Variants in KIAA1958 observed in about 807,000 individuals in gnomAD.
KIAA1958 encodes the protein uncharacterized protein KIAA1958.
A neutral mutation model predicts 47.2 loss-of-function variants in KIAA1958; 14 were observed. The observed-to-expected ratio is 0.30, with a 90% CI of 0.20 to 0.46. The LOEUF is 0.46. Ranked by LOEUF, KIAA1958 falls within the 20% of genes least tolerant of loss-of-function variation. KIAA1958 has a pLI of 1.00. For missense variants in KIAA1958, 803 were observed against 909.2 expected (o/e 0.88, Z 1.50); for synonymous variants, 354 against 353.3 (o/e 1.00, Z -0.02).
chr9:112,501,928 AT>A lies in KIAA1958; in HGVS notation c.-25+14811del, dbSNP rs1463661863. ...TTTTGTTTTCACAATTTACAAAAAAATAATAAAACCCTAATAAATAATAGAT... is the reference window on the plus strand; with the variant it reads ...TTTTGTTTTCACAATTTACAAAAAAAAATAAAACCCTAATAAATAATAGAT... On this transcript the variant is annotated intron_variant, in intron 1 of 3. Transcript: ENST00000337530. Among the ~76,000 whole-genome samples, 25 of 152,388 alleles carry A rather than the reference AT, an allele frequency of 1.6e-4. No homozygotes were observed. The South Asian group carries it at 3.3e-3, about 20-fold the overall frequency.
At chr9:112,580,572 A>C (rs922660834) in intron 2 of KIAA1958, among the ~76,000 whole-genome samples, 1 of 152,190 alleles carries the variant, frequency 6.6e-6, no homozygotes, top group Non-Finnish European at 1.5e-5. Flanking sequence ...GGATCACCTG[A>C]GGTCAGGAGT....
intron 1 of KIAA1958, among the ~76,000 whole-genome samples, chr9:112,545,646 A>G (rs1305978871): frequency 6.6e-6 from 1 of 152,096 alleles, no homozygotes; most frequent in Non-Finnish European, 1.5e-5. Context: ...GATTCGTGCT[A>G]TTTGCCAGGA....
At chr9:112,498,289 G>A (rs911426518) in intron 1 of KIAA1958, among the ~76,000 whole-genome samples, 2 of 152,208 alleles carry the variant, frequency 1.3e-5, no homozygotes, top group South Asian at 2.1e-4. Flanking sequence ...AGGAAAGGTG[G>A]CGGTTCAGTT....
At chr9:112,496,211 C>T (rs1834049204) in intron 1 of KIAA1958, among the ~76,000 whole-genome samples, 2 of 152,164 alleles carry the variant, frequency 1.3e-5, no homozygotes, top group Admixed American at 1.3e-4. Context: ...GGTATATTTA[C>T]ACAATGGAAT....
chr9:112,498,189 G>A (rs1464668965), intron 1 of KIAA1958, among the ~76,000 whole-genome samples: 1 of 152,096 alleles, frequency 6.6e-6, no homozygotes, highest in African/African-American at 2.4e-5. Context: ...TTCTACATTA[G>A]TGAATTTACC....
At chr9:112,518,230 AAAAGG>A (rs1458213688) in intron 1 of KIAA1958, among the ~76,000 whole-genome samples, 3 of 152,214 alleles carry the variant, frequency 2.0e-5, no homozygotes, top group Non-Finnish European at 4.4e-5. Flanking sequence ...TAAAAAAAGA[AAAAGG>A]AAAGCATGTA....
At position 112,660,250 on chromosome 9, in the gene KIAA1958, GTC is replaced by G. The variant is rs1837254040; in HGVS notation, c.*183_*184del. ...TGCTTTTTAAAATGAAACTAGATGA[GTC>G]TAAATCATTCGGATGGTTTATCCAA... On this transcript the variant is annotated 3_prime_UTR_variant, in exon 4 of 4. Coordinates refer to ENST00000337530, the MANE Select transcript of KIAA1958 (RefSeq NM_133465.4). 1 of 595,886 alleles carries G rather than the reference GTC, an allele frequency of 1.7e-6. No individual in the cohort carries two copies. The highest frequency in any genetic ancestry group is 3.0e-6 in the Non-Finnish European group (1 of 334,862). 36.9% of individuals were successfully genotyped at this position (595,886 alleles called of 1,614,324 possible).
At chr9:112,519,207 G>GT (rs1028078118) in intron 1 of KIAA1958, among the ~76,000 whole-genome samples, 78 of 152,234 alleles carry the variant, frequency 5.1e-4, no homozygotes, top group African/African-American at 1.9e-3. Flanking sequence ...GCCTTCCAAA[G>GT]TGTTAGGATT....
intron 1 of KIAA1958, among the ~76,000 whole-genome samples, chr9:112,529,556 T>G (rs1834717356): frequency 1.3e-5 from 2 of 152,208 alleles, no homozygotes; most frequent in African/African-American, 2.4e-5. Flanking sequence ...TTCTAGAGAA[T>G]GTAAGACATT....
rs2131217390 is a variant in KIAA1958, at chr9:112,618,826, C to G, written c.1172-26824C>G. ...TCGTGCTGATCTGTAACAATCTGAGCCAGCAGGCTGCCCAGTCAGTGGCCG... is the reference window on the plus strand; with the variant it reads ...TCGTGCTGATCTGTAACAATCTGAGGCAGCAGGCTGCCCAGTCAGTGGCCG... On this transcript the variant is annotated intron_variant, in intron 2 of 3. Coordinates refer to ENST00000337530, the MANE Select transcript of KIAA1958 (RefSeq NM_133465.4). The surrounding 1 kb of genome is among the most constrained non-coding windows in gnomAD (Gnocchi z 7.1). 12 of 1,550,566 alleles carry G rather than the reference C, an allele frequency of 7.7e-6. No homozygotes were observed. Among genetic ancestry groups the G allele is most frequent in the Non-Finnish European group, 9.6e-6 (11 of 1,146,948 alleles).
In KIAA1958 at chr9:112,661,666, G is replaced by A. The variant is rs2131257026; in HGVS notation, c.*1597G>A. The A allele has an allele frequency of 6.6e-6, 1 of 152,282 alleles. No individual in the cohort carries two copies. Among genetic ancestry groups the A allele is most frequent in the African/African-American group, 2.4e-5 (1 of 41,560 alleles). The allele number at this position is 152,282 out of a possible 1,614,324, so 9.4% of individuals were successfully genotyped here. A position where few individuals can be genotyped will look rare whatever the true frequency, so the allele number is the denominator to read the frequency against. On this transcript the variant is annotated 3_prime_UTR_variant, in exon 4 of 4. Coordinates refer to ENST00000337530, the MANE Select transcript of KIAA1958 (RefSeq NM_133465.4). ...AACCAATGCTGCCTTAAGATTTAAT[G>A]TTATTCCCTTTTTAGTCACTGTGCA... is the stretch of plus-strand genomic sequence containing the variant.
chr9:112,551,928 A>G (rs953853888), intron 1 of KIAA1958, among the ~76,000 whole-genome samples: 3 of 152,218 alleles, frequency 2.0e-5, no homozygotes, highest in Non-Finnish European at 4.4e-5. Context: ...CAAATCCTGC[A>G]TCTTTGGTGG....
Position 112,665,702 on chromosome 9 carries a change from C to A in KIAA1958, c.*5633C>A, listed in dbSNP as rs185385096. Reference sequence around the variant, plus strand: ...ACTTAATCGATCCTGGAAAGCCTGGCGGTTCCCCAGTATTTTCTGCCTACT... The same window carrying A: ...ACTTAATCGATCCTGGAAAGCCTGGAGGTTCCCCAGTATTTTCTGCCTACT... On this transcript the variant is annotated 3_prime_UTR_variant, in exon 4 of 4. Transcript: ENST00000337530. 1.3e-5 allele frequency: 2 copies of A among 152,156 alleles called. No individual in the cohort carries two copies. Among genetic ancestry groups the A allele is most frequent in the African/African-American group, 4.8e-5 (2 of 41,438 alleles). 9.4% of individuals were successfully genotyped at this position (152,156 alleles called of 1,614,324 possible).
chr9:112,501,465 C>G (rs1171429090), intron 1 of KIAA1958, among the ~76,000 whole-genome samples: 1 of 152,008 alleles, frequency 6.6e-6, no homozygotes, highest in African/African-American at 2.4e-5. Context: ...AAAATGAAAC[C>G]AAGTTGAGAA....
At chr9:112,598,973 T>G (rs968039543) in intron 2 of KIAA1958, among the ~76,000 whole-genome samples, 2 of 152,118 alleles carry the variant, frequency 1.3e-5, no homozygotes, top group Non-Finnish European at 2.9e-5. Flanking sequence ...TTCCAGCTAT[T>G]GGGAAGACTG....
intron 1 of KIAA1958, among the ~76,000 whole-genome samples, chr9:112,530,094 T>C (rs1834728995): frequency 6.6e-6 from 1 of 152,298 alleles, no homozygotes; most frequent in South Asian, 2.1e-4. Context: ...CCACCCGCCT[T>C]GGCCTCCCAA....
At chr9:112,550,837 T>C (rs1296606687) in intron 1 of KIAA1958, among the ~76,000 whole-genome samples, 1 of 152,204 alleles carries the variant, frequency 6.6e-6, no homozygotes, top group Non-Finnish European at 1.5e-5. Flanking sequence ...TGACCTTAGT[T>C]ACTCAGTCTC....
chr9:112,615,384 C>T (rs1471892204), intron 2 of KIAA1958, among the ~76,000 whole-genome samples: 3 of 145,114 alleles, frequency 2.1e-5, no homozygotes, highest in Non-Finnish European at 4.5e-5. Flanking sequence ...CATGCCATTG[C>T]ACTCCAGCCT....
In KIAA1958 at chr9:112,660,020, C is replaced by G. The variant is rs761336625; in HGVS notation, c.2102C>G (p.Ser701Trp). The stretch of plus-strand genomic sequence containing the variant: ...AACTGTGAGAACTTCACCTTTGTCT[C>G]GTTCACTCAGGTCTCCCGGAGGCTT... The part of the protein sequence containing the change: ...LENCENFTFV[S>W]FTQVSRRLGS... Residue 701 changes from serine to tryptophan, a missense_variant, in exon 4 of 4, where the codon TCG becomes TGG. Transcript: ENST00000337530. 2 of 1,613,982 alleles carry G rather than the reference C, an allele frequency of 1.2e-6. No homozygotes were observed.
Sources: allele counts gnomAD v4.1 joint callset (sites outside exome capture counted in the v4.1 genomes callset), GRCh38; gene constraint gnomAD v4.1.1; non-coding constraint Gnocchi (gnomAD v3.1); transcripts MANE v1.5; gene names NCBI Gene and HGNC (gene_info 2026-07-23, HGNC 2026-07-21).